Variants in GRM7 observed in about 807,000 individuals in gnomAD.
GRM7 encodes the protein glutamate metabotropic receptor 7, also known as metabotropic glutamate receptor 7.
GRM7 carries 35 observed loss-of-function variants against 84.5 expected under a neutral mutation model. The observed-to-expected ratio is 0.41, with a 90% CI of 0.32 to 0.55. The LOEUF (loss-of-function observed/expected upper bound fraction) is 0.55. Ranked by LOEUF, GRM7 falls within the 20% of genes least tolerant of loss-of-function variation. GRM7 has a pLI of 0.19. For synonymous variants in GRM7, 487 were observed against 455.1 expected, an observed-to-expected ratio of 1.07 and a Z score of -0.89; for missense variants, 1,003 against 1,194.6, an observed-to-expected ratio of 0.84 and a Z score of 2.36.
intron 2 of GRM7, among the ~76,000 whole-genome samples, chr3:7,215,020 A>G (rs1696554364): frequency 6.6e-6 from 1 of 152,212 alleles, no homozygotes; most frequent in Non-Finnish European, 1.5e-5. Flanking sequence ...TGTTTGATGA[A>G]ATCATATACT....
chr3:6,877,683 C>T (rs941381418), intron 1 of GRM7, among the ~76,000 whole-genome samples: 3 of 151,900 alleles, frequency 2.0e-5, no homozygotes, highest in African/African-American at 7.3e-5. Flanking sequence ...AAATGGTGTT[C>T]GTTTATAATT....
chr3:6,909,275 G>T (rs1696685739), intron 1 of GRM7, among the ~76,000 whole-genome samples: 3 of 152,112 alleles, frequency 2.0e-5, no homozygotes, highest in Admixed American at 1.3e-4. Context: ...CCTGCCCTTT[G>T]ATTGGTGGTT....
intron 9 of GRM7, chr3:7,694,382 C>T: frequency 1.1e-6 from 1 of 930,748 alleles, no homozygotes; most frequent in Non-Finnish European, 1.3e-6. Flanking sequence ...TTGGAGATTC[C>T]CATCTGATAT....
intron 2 of GRM7, among the ~76,000 whole-genome samples, chr3:7,229,380 A>G (rs948100220): frequency 1.1e-4 from 16 of 151,906 alleles, no homozygotes; most frequent in African/African-American, 3.9e-4. Flanking sequence ...TTATTTCCTT[A>G]TTATAGCTGA....
At chr3:7,323,932 T>C (rs757092290) in intron 4 of GRM7, among the ~76,000 whole-genome samples, 1 of 152,154 alleles carries the variant, frequency 6.6e-6, no homozygotes, top group Non-Finnish European at 1.5e-5. Flanking sequence ...CTGTTTTTTA[T>C]AAGGAGCAAG....
At chr3:6,919,690 A>T (rs1220034642) in intron 1 of GRM7, among the ~76,000 whole-genome samples, 2 of 151,774 alleles carry the variant, frequency 1.3e-5, no homozygotes, top group Non-Finnish European at 1.5e-5. Context: ...TTCTTTCCCT[A>T]CTCAACTTAG....
At chr3:6,976,090 G>A (rs1693982248) in intron 1 of GRM7, among the ~76,000 whole-genome samples, 1 of 152,106 alleles carries the variant, frequency 6.6e-6, no homozygotes, top group African/African-American at 2.4e-5. Context: ...GAGCTTTCCG[G>A]TTTATTTACC....
chr3:6,967,579 T>G (rs2125089517), intron 1 of GRM7, among the ~76,000 whole-genome samples: 1 of 152,368 alleles, frequency 6.6e-6, no homozygotes, highest in East Asian at 1.9e-4. Flanking sequence ...TGAGTTTATG[T>G]AATATACATC....
chr3:6,893,259 T>A (rs73017706), intron 1 of GRM7, among the ~76,000 whole-genome samples: 1 of 152,278 alleles, frequency 6.6e-6, no homozygotes, highest in Non-Finnish European at 1.5e-5. Context: ...ATTTCTGGCA[T>A]ATTGTAACTC....
intron 1 of GRM7, among the ~76,000 whole-genome samples, chr3:6,943,560 C>G (rs1033199502): frequency 7.2e-5 from 11 of 151,970 alleles, no homozygotes; most frequent in Admixed American, 5.2e-4. Flanking sequence ...ATCTGTTTAT[C>G]TTTATGCCGA....
chr3:7,353,314 A>G (rs1693242795), intron 4 of GRM7, among the ~76,000 whole-genome samples: 1 of 152,264 alleles, frequency 6.6e-6, no homozygotes, highest in East Asian at 1.9e-4. Context: ...CTGTGTGGGA[A>G]TGGTAGGAAT....
In GRM7 at chr3:7,162,729, A is replaced by ATTTTTTTTTTTTTTTT. The variant is rs71063284; in HGVS notation, c.736+16094_736+16109dup. On this transcript the variant is annotated intron_variant, in intron 2 of 9. Coordinates refer to ENST00000357716, the MANE Select transcript of GRM7 (RefSeq NM_000844.4). The stretch of plus-strand genomic sequence containing the variant: ...CAATCTCCCATTACTCCCATTTTTC[A>ATTTTTTTTTTTTTTTT]TTTTTTTTTTTTTTTTTTTTTTTTT... Among the ~76,000 whole-genome samples, 15 of 54,716 alleles carry ATTTTTTTTTTTTTTTT rather than the reference A, an allele frequency of 2.7e-4. 2 individuals carry two copies. The highest frequency in any genetic ancestry group is 5.1e-4 in the Non-Finnish European group (13 of 25,686). The allele number at this position is 54,716 out of a possible 152,430, so 35.9% of individuals were successfully genotyped here.
intron 7 of GRM7, among the ~76,000 whole-genome samples, chr3:7,489,371 T>G (rs906101393): frequency 6.6e-6 from 1 of 152,196 alleles, no homozygotes; most frequent in African/African-American, 2.4e-5. Context: ...ACAGTATCCT[T>G]GGGATACACA....
chr3:7,303,756 C>T (rs1227631858), intron 3 of GRM7, among the ~76,000 whole-genome samples: 1 of 151,910 alleles, frequency 6.6e-6, no homozygotes, highest in Non-Finnish European at 1.5e-5. Context: ...CTTATTTTTC[C>T]CGAATATTTC....
intron 1 of GRM7, among the ~76,000 whole-genome samples, chr3:7,140,648 C>G (rs1397574557): frequency 2.0e-5 from 3 of 152,008 alleles, no homozygotes; most frequent in Non-Finnish European, 4.4e-5. Flanking sequence ...TGGGAAGACA[C>G]TAAATTATAA....
intron 8 of GRM7, among the ~76,000 whole-genome samples, chr3:7,624,296 G>A (rs1014345903): frequency 1.3e-5 from 2 of 152,082 alleles, no homozygotes; most frequent in Non-Finnish European, 2.9e-5. Flanking sequence ...CCAAAAAGAT[G>A]CTATCTTAGC....
intron 9 of GRM7, among the ~76,000 whole-genome samples, chr3:7,725,677 C>T (rs73809694): frequency 7.2e-5 from 11 of 152,222 alleles, no homozygotes; most frequent in South Asian, 2.1e-4. Flanking sequence ...GTGTTCCCAC[C>T]GGGGTTTCTT....
chr3:7,391,775 AG>A (rs1695007322), intron 4 of GRM7, among the ~76,000 whole-genome samples: 1 of 151,396 alleles, frequency 6.6e-6, no homozygotes, highest in Non-Finnish European at 1.5e-5. Context: ...AAAAAAAACA[AG>A]AGCTGGCAGG....
At chr3:7,096,677 G>T (rs372576263) in intron 1 of GRM7, among the ~76,000 whole-genome samples, 7 of 152,206 alleles carry the variant, frequency 4.6e-5, no homozygotes, top group African/African-American at 1.4e-4. Context: ...CCCCTCTGAG[G>T]AGGTCAGAAT....
Sources: gnomAD v4.1 joint callset for allele counts (sites outside exome capture counted in the v4.1 genomes callset) on GRCh38, gnomAD v4.1.1 for gene constraint, MANE v1.5 for transcripts, NCBI Gene and HGNC (gene_info 2026-07-23, HGNC 2026-07-21) for gene names.